The following IGSF10 variants were observed in gnomAD, a reference collection of about 807,000 sequenced individuals.
IGSF10 encodes calvaria mechanical force protein 608.
Under a neutral mutation model 128.2 loss-of-function variants are expected in IGSF10, and 126 were observed. That is an observed-to-expected ratio of 0.98 (90% CI 0.85 to 1.14). IGSF10 has a LOEUF of 1.14. IGSF10 is among the 50% of genes most tolerant of loss of function. The pLI, the probability that IGSF10 is intolerant of heterozygous loss-of-function variation, is 0.00. For synonymous variants in IGSF10, 1,185 were observed against 1,146.2 expected (o/e 1.03, Z -0.68); for missense variants, 3,295 against 3,149.8 (o/e 1.05, Z -1.10).
At chr3:151,467,938 T>G in the IGSF10 span, among the ~76,000 whole-genome samples, 1 of 151,706 alleles carries the variant, frequency 6.6e-6, no homozygotes, top group African/African-American at 2.4e-5. Context: ...CTGAAAACAT[T>G]TTACATTCAA....
the IGSF10 span, among the ~76,000 whole-genome samples, chr3:151,497,841 C>T: frequency 1.3e-5 from 2 of 151,988 alleles, no homozygotes; most frequent in African/African-American, 4.8e-5. Flanking sequence ...TTTGTATCCT[C>T]TTTTATTTCG....
the IGSF10 span, among the ~76,000 whole-genome samples, chr3:151,480,437 T>TA: frequency 6.6e-6 from 1 of 152,164 alleles, no homozygotes; most frequent in African/African-American, 2.4e-5. Flanking sequence ...TCACAGGGTC[T>TA]AAGCCCAGCC....
the IGSF10 span, among the ~76,000 whole-genome samples, chr3:151,614,420 C>A: frequency 6.6e-6 from 1 of 152,180 alleles, no homozygotes. Context: ...TGGAACCAAC[C>A]TAAATGTCCA....
At chr3:151,489,100 T>C in the IGSF10 span, among the ~76,000 whole-genome samples, 8 of 152,074 alleles carry the variant, frequency 5.3e-5, no homozygotes, top group Admixed American at 2.0e-4. Flanking sequence ...ATATCCAGAA[T>C]CTACAAAGAA....
the IGSF10 span, among the ~76,000 whole-genome samples, chr3:151,591,241 G>C: frequency 1.3e-5 from 2 of 150,620 alleles, no homozygotes; most frequent in Non-Finnish European, 1.5e-5. Context: ...TTATGCAATA[G>C]GAAAAAAAGT....
At position 151,447,340 on chromosome 3, in the gene IGSF10, G is replaced by A. The variant is rs867900793; in HGVS notation, c.2641C>T (p.Gln881Ter). 2 of 1,614,200 alleles carry A rather than the reference G, an allele frequency of 1.2e-6. No individual in the cohort carries two copies. The highest frequency in any genetic ancestry group is 1.7e-6 in the Non-Finnish European group (2 of 1,180,046). The change falls in exon 6 of 8, where the codon CAA becomes TAA. Residue 881 changes from glutamine (Q) to a stop codon, truncating the protein, a stop_gained. Coordinates refer to ENST00000282466, the MANE Select transcript of IGSF10 (RefSeq NM_178822.5). LOFTEE classifies it high-confidence loss of function. ...SKNINPTMSSQIQGTTNQHSS... is the reference protein window; with the variant it reads ...SKNINPTMSS Reference sequence around the variant, plus strand: ...TGTTGATTGGTTGTGCCTTGTATTTGGCTTGACATGGTTGGGTTTATATTC... The same window carrying A: ...TGTTGATTGGTTGTGCCTTGTATTTAGCTTGACATGGTTGGGTTTATATTC...
the IGSF10 span, among the ~76,000 whole-genome samples, chr3:151,540,423 CATT>C: frequency 9.2e-5 from 14 of 152,190 alleles, no homozygotes; most frequent in African/African-American, 2.9e-4. Context: ...TTTTGCTTAA[CATT>C]ATTTTTTTGA....
the IGSF10 span, among the ~76,000 whole-genome samples, chr3:151,592,455 C>T: frequency 7.5e-5 from 11 of 147,238 alleles, no homozygotes; most frequent in African/African-American, 2.7e-4. Flanking sequence ...GCATCAGTTC[C>T]CTTGTCCTCC....
chr3:151,590,107 T>C, the IGSF10 span, among the ~76,000 whole-genome samples: 1 of 152,134 alleles, frequency 6.6e-6, no homozygotes, highest in Non-Finnish European at 1.5e-5. Context: ...GGTGCAGTCA[T>C]GGCTCACTGC....
chr3:151,600,271 A>C, the IGSF10 span, among the ~76,000 whole-genome samples: 1 of 152,112 alleles, frequency 6.6e-6, no homozygotes, highest in African/African-American at 2.4e-5. Context: ...GTTTGAAAAA[A>C]ATCTCAACAG....
At chr3:151,481,531 C>CTA in the IGSF10 span, among the ~76,000 whole-genome samples, 1 of 152,174 alleles carries the variant, frequency 6.6e-6, no homozygotes, top group Non-Finnish European at 1.5e-5. Flanking sequence ...AAAATCACAG[C>CTA]TATATCTCAG....
chr3:151,569,372 T>C, the IGSF10 span, among the ~76,000 whole-genome samples: 1 of 152,200 alleles, frequency 6.6e-6, no homozygotes, highest in South Asian at 2.1e-4. Context: ...GTGCCCGGCC[T>C]TTCCATCTTT....
At chr3:151,482,513 G>A in the IGSF10 span, among the ~76,000 whole-genome samples, 107 of 152,028 alleles carry the variant, frequency 7.0e-4, 1 homozygote, top group African/African-American at 2.5e-3. Flanking sequence ...TGACTCAGAG[G>A]GGCAAAAAAA....
At chr3:151,607,912 G>GAAAA in the IGSF10 span, among the ~76,000 whole-genome samples, 566 of 41,520 alleles carry the variant, frequency 0.014, no homozygotes, top group East Asian at 0.018. Context: ...CTCCATCTCG[G>GAAAA]AAAAAAAAAA....
chr3:151,476,513 G>C, the IGSF10 span, among the ~76,000 whole-genome samples: 3 of 152,180 alleles, frequency 2.0e-5, no homozygotes, highest in African/African-American at 7.2e-5. Flanking sequence ...ATCTTCAGGG[G>C]TATCTTCCGG....
At chr3:151,439,845 A>C (rs1720733491) in intron 7 of IGSF10, among the ~76,000 whole-genome samples, 1 of 152,242 alleles carries the variant, frequency 6.6e-6, no homozygotes, top group African/African-American at 2.4e-5. Context: ...TTTTTAGACC[A>C]GTGGAGACTC....
the IGSF10 span, among the ~76,000 whole-genome samples, chr3:151,496,558 T>G: frequency 1.2e-3 from 20 of 16,016 alleles, no homozygotes; most frequent in East Asian, 3.0e-3. Flanking sequence ...ATTCCATGGT[T>G]TCCTTAATCC....
the IGSF10 span, among the ~76,000 whole-genome samples, chr3:151,557,997 G>GTA: frequency 2.2e-3 from 12 of 5,482 alleles, no homozygotes; most frequent in African/African-American, 5.1e-3. Flanking sequence ...CAAATATAAA[G>GTA]TATATATAAT....
chr3:151,442,609 G>A (rs1707141973), intron 7 of IGSF10, among the ~76,000 whole-genome samples: 1 of 145,564 alleles, frequency 6.9e-6, no homozygotes, highest in Non-Finnish European at 1.5e-5. Context: ...AGCTGGTCCT[G>A]AACTCCTGAC....
Sources: allele counts gnomAD v4.1 joint callset (sites outside exome capture counted in the v4.1 genomes callset), GRCh38; gene constraint gnomAD v4.1.1; transcripts MANE v1.5; gene names NCBI Gene and HGNC (gene_info 2026-07-23, HGNC 2026-07-21).